The following SLC39A11 variants were observed in gnomAD, a reference collection of about 807,000 sequenced individuals.
The protein encoded by SLC39A11 is zinc transporter ZIP11.
A neutral mutation model predicts 36.1 loss-of-function variants in SLC39A11; 33 were observed. The ratio of observed to expected loss-of-function variants is 0.91; its 90% CI spans 0.69 to 1.22. The LOEUF is 1.22. Among genes scored for constraint, SLC39A11 ranks in the 50% most tolerant of loss-of-function variants. SLC39A11 has a pLI of 0.00. For synonymous variants in SLC39A11, 166 were observed against 170.3 expected (o/e 0.97, Z 0.20); for missense variants, 432 against 430.3 (o/e 1.00, Z -0.03).
chr17:72,808,238 C>G (rs1191754326), intron 6 of SLC39A11, among the ~76,000 whole-genome samples: 2 of 152,168 alleles, frequency 1.3e-5, no homozygotes, highest in Non-Finnish European at 2.9e-5. Context: ...CTCCAGTCAT[C>G]TTTTTGGTAG....
At chr17:72,722,032 C>T (rs1045637351) in intron 7 of SLC39A11, among the ~76,000 whole-genome samples, 3 of 150,206 alleles carry the variant, frequency 2.0e-5, no homozygotes, top group South Asian at 2.1e-4. Flanking sequence ...ATTTTTCTCT[C>T]GGATATTATT....
intron 4 of SLC39A11, among the ~76,000 whole-genome samples, chr17:72,966,932 C>T (rs1239512045): frequency 6.6e-6 from 1 of 152,196 alleles, no homozygotes; most frequent in Non-Finnish European, 1.5e-5. Flanking sequence ...CACCTCCTGT[C>T]AGATCAGCAG....
At chr17:72,773,449 C>A (rs975050232) in intron 6 of SLC39A11, among the ~76,000 whole-genome samples, 1 of 152,062 alleles carries the variant, frequency 6.6e-6, no homozygotes, top group Non-Finnish European at 1.5e-5. Flanking sequence ...GGGGAAACCC[C>A]TTTTTCTTGG....
In SLC39A11 at chr17:72,739,915, C is replaced by T. The variant is rs139262427; in HGVS notation, c.602-3196G>A. Among the ~76,000 whole-genome samples, 338 of 152,242 alleles carry T rather than the reference C, an allele frequency of 2.2e-3. 2 individuals are homozygous for T. The Middle Eastern group carries it at 0.024, about 11-fold the overall frequency. On this transcript the variant is annotated intron_variant, in intron 6 of 9. Transcript: ENST00000255559. ...AATGTTACTAATAGTCTAATATTGA[C>T]GTTACCAAGAACATAAAGTCAATTG...
At chr17:72,977,195 G>A (rs1292494352) in intron 4 of SLC39A11, among the ~76,000 whole-genome samples, 1 of 152,200 alleles carries the variant, frequency 6.6e-6, no homozygotes, top group Non-Finnish European at 1.5e-5. Context: ...AAGAAGCAGG[G>A]AGCCACATGG....
At chr17:72,912,424 G>A (rs77874997) in intron 5 of SLC39A11, among the ~76,000 whole-genome samples, 77,113 of 150,820 alleles carry the variant, frequency 0.51, 19,675 homozygotes, top group African/African-American at 0.53. Context: ...TACATTCTTA[G>A]GACAATATCT....
chr17:73,082,115 C>CT (rs1491184559), intron 3 of SLC39A11, among the ~76,000 whole-genome samples: 1 of 15,606 alleles, frequency 6.4e-5, no homozygotes, highest in African/African-American at 2.2e-4. Context: ...CCTACTGAAA[C>CT]TAAAAAAAAA....
intron 6 of SLC39A11, among the ~76,000 whole-genome samples, chr17:72,775,267 C>A (rs1226839378): frequency 1.3e-5 from 2 of 152,222 alleles, no homozygotes; most frequent in African/African-American, 4.8e-5. Context: ...TGCTGAGGTG[C>A]CCCACTGGCC....
At chr17:72,689,749 A>G (rs1241393793) in intron 7 of SLC39A11, among the ~76,000 whole-genome samples, 1 of 152,196 alleles carries the variant, frequency 6.6e-6, no homozygotes, top group East Asian at 1.9e-4. Context: ...AGGCAAATCC[A>G]TAGCAACGGT....
At chr17:72,773,938 C>A (rs938877076) in intron 6 of SLC39A11, among the ~76,000 whole-genome samples, 1 of 152,312 alleles carries the variant, frequency 6.6e-6, no homozygotes, top group Non-Finnish European at 1.5e-5. Flanking sequence ...TGAGCCTGGA[C>A]TGGGAAGCAT....
chr17:72,795,436 G>C (rs772090889), intron 6 of SLC39A11, among the ~76,000 whole-genome samples: 1 of 152,158 alleles, frequency 6.6e-6, no homozygotes, highest in Non-Finnish European at 1.5e-5. Flanking sequence ...GAAAGAGAGA[G>C]AGAGAGTGCA....
chr17:72,689,373 T>C (rs1290080221), intron 7 of SLC39A11, among the ~76,000 whole-genome samples: 1 of 152,188 alleles, frequency 6.6e-6, no homozygotes, highest in East Asian at 1.9e-4. Flanking sequence ...GAAGGCCCGA[T>C]GGGGCAGTTT....
chr17:72,844,420 G>A (rs572932844), intron 6 of SLC39A11, among the ~76,000 whole-genome samples: 1 of 152,354 alleles, frequency 6.6e-6, no homozygotes. Flanking sequence ...TGTAATCCCA[G>A]CACTTTGGGA....
intron 4 of SLC39A11, among the ~76,000 whole-genome samples, chr17:72,956,990 G>A (rs536845616): frequency 4.6e-5 from 7 of 152,180 alleles, no homozygotes; most frequent in Non-Finnish European, 7.4e-5. Flanking sequence ...TCGAGGGGCT[G>A]GATGGTCTAA....
intron 3 of SLC39A11, among the ~76,000 whole-genome samples, chr17:73,044,858 T>C (rs1007083394): frequency 3.6e-5 from 5 of 137,638 alleles, no homozygotes; most frequent in African/African-American, 1.1e-4. Context: ...GCCTGGGTGA[T>C]AGAGCAAGAC....
chr17:73,072,044 A>G (rs1340262371), intron 3 of SLC39A11, among the ~76,000 whole-genome samples: 2 of 152,218 alleles, frequency 1.3e-5, no homozygotes, highest in African/African-American at 4.8e-5. Flanking sequence ...CTTTTCCTAT[A>G]GAGCAACTAA....
intron 7 of SLC39A11, among the ~76,000 whole-genome samples, chr17:72,685,531 C>G (rs75629267): frequency 0.018 from 1,969 of 107,944 alleles, 27 homozygotes; most frequent in East Asian, 0.044. Context: ...TTACTTCAAA[C>G]ACAATAAGCC....
chr17:72,987,245 A>G (rs1172455710), intron 4 of SLC39A11, among the ~76,000 whole-genome samples: 1 of 152,210 alleles, frequency 6.6e-6, no homozygotes, highest in African/African-American at 2.4e-5. Context: ...AGATGCTGGC[A>G]CTATGCTTCT....
chr17:72,767,593 T>G (rs9906450), intron 6 of SLC39A11, among the ~76,000 whole-genome samples: 63,102 of 152,070 alleles, frequency 0.41, 15,784 homozygotes, highest in Non-Finnish European at 0.56. Flanking sequence ...CAACCTTCCA[T>G]GAGTTGGTCA....
Sources: gnomAD v4.1 joint callset for allele counts (sites outside exome capture counted in the v4.1 genomes callset) on GRCh38, gnomAD v4.1.1 for gene constraint, MANE v1.5 for transcripts, NCBI Gene and HGNC (gene_info 2026-07-23, HGNC 2026-07-21) for gene names.